Variants in ALX3 observed in about 807,000 individuals in gnomAD.
ALX3 encodes the protein homeobox protein aristaless-like 3.
ALX3 carries 17 observed loss-of-function variants against 26.3 expected under a neutral mutation model. The ratio of observed to expected loss-of-function variants is 0.65; its 90% CI spans 0.44 to 0.97. The LOEUF is 0.97. ALX3 is among the 50% of genes least tolerant of loss of function. The probability of loss-of-function intolerance (pLI) is 0.00; values close to 1 mark genes in which losing one functional copy is unlikely to be tolerated. For missense variants in ALX3, 461 were observed against 466.5 expected (o/e 0.99, Z 0.11); for synonymous variants, 208 against 201.4 (o/e 1.03, Z -0.28).
intron 1 of ALX3, among the ~76,000 whole-genome samples, chr1:110,069,980 A>C (rs981171084): frequency 2.6e-5 from 4 of 152,168 alleles, no homozygotes; most frequent in Non-Finnish European, 5.9e-5. Context: ...TCTGGGCTTC[A>C]GGGTAGGTGG....
intron 2 of ALX3, chr1:110,062,256 C>T (rs1190306267): frequency 6.5e-6 from 1 of 152,714 alleles, no homozygotes; most frequent in Non-Finnish European, 1.5e-5. Context: ...CTCCACAGGA[C>T]TTCCAAAATA....
rs777021032 is a variant in ALX3 at position 110,060,793 on chromosome 1, G to A, written c.972C>T (p.Ser324=). ...PSSDGDYKSP[S]LVSLRVKPKE... ...TGGGCTTTACCCTGAGCGAGACGAG[G>A]CTTGGAGACTTATAGTCACCATCTG... The change falls in exon 4 of 4, where the codon AGC becomes AGT. Residue 324 remains serine, a synonymous_variant. Transcript: ENST00000647563. The A allele has an allele frequency of 3.7e-6, 6 of 1,613,696 alleles. No individual in the cohort carries two copies. In the South Asian group the frequency reaches 5.5e-5, roughly 15 times the overall value.
At chr1:110,061,287 C>A in intron 3 of ALX3, 148 bp downstream of exon 3, 1 of 1,321,652 alleles carries the variant, frequency 7.6e-7, no homozygotes, top group Non-Finnish European at 1.0e-6. Flanking sequence ...ATGAGACAGG[C>A]AAGAGCCCCG....
At chr1:110,061,271 T>C (rs977206237) in intron 3 of ALX3, 164 bp downstream of exon 3, 11 of 1,219,856 alleles carry the variant, frequency 9.0e-6, no homozygotes, top group African/African-American at 1.5e-5. Flanking sequence ...TCCGCATGCG[T>C]CATTCATGAG....
At chr1:110,064,301 A>G (rs561547771) in intron 2 of ALX3, among the ~76,000 whole-genome samples, 9 of 152,226 alleles carry the variant, frequency 5.9e-5, no homozygotes, top group African/African-American at 2.2e-4. Flanking sequence ...ACATACCCCA[A>G]ATCACCTCCA....
chr1:110,068,591 T>C (rs1413830072), intron 1 of ALX3, among the ~76,000 whole-genome samples: 3 of 152,260 alleles, frequency 2.0e-5, no homozygotes, highest in Non-Finnish European at 1.5e-5. Context: ...GCTTTAAACA[T>C]GCTCCGTTTT....
chr1:110,062,040 G>A (rs1653661174), intron 2 of ALX3: 3 of 165,702 alleles, frequency 1.8e-5, no homozygotes, highest in Admixed American at 1.2e-4. Context: ...GGAGACCTTG[G>A]TCCAGAGCAT....
rs1653745484 is a variant in ALX3 at position 110,064,868 on chromosome 1, G to C, written c.313C>G (p.Gln105Glu). The C allele has an allele frequency of 6.2e-7, 1 of 1,610,474 alleles. No individual in the cohort carries two copies. Among genetic ancestry groups the C allele is most frequent in the African/African-American group, 1.3e-5 (1 of 74,688 alleles). Reference sequence around the variant, plus strand: ...CCCCCTCGGCAGTCCAAGGGCAGCTGGGGGAAGCTGGCAGCTTTGGAGGTC... The same window carrying C: ...CCCCCTCGGCAGTCCAAGGGCAGCTCGGGGAAGCTGGCAGCTTTGGAGGTC... ...EKTSKAASFPQLPLDCRGGPR... is the reference protein window; with the variant it reads ...EKTSKAASFPELPLDCRGGPR... Residue 105 changes from glutamine to glutamate, a missense_variant, in exon 2 of 4, where the codon CAG (glutamine) becomes GAG (glutamate). Gln to Glu is a conservative substitution (Grantham distance 29). Around this residue, in one of 3 missense-constraint regions of ALX3, gnomAD observed 241 missense variants for 206.1 expected, o/e 1.17. Transcript: ENST00000647563.
At chr1:110,061,710 T>G (rs562601005) in intron 2 of ALX3, 147 bp from the exon 3 acceptor site, 1 of 1,290,130 alleles carries the variant, frequency 7.8e-7, no homozygotes, top group East Asian at 2.5e-5. Context: ...CACACTGTTC[T>G]CCAGGCCAGG....
chr1:110,068,245 T>C (rs1653835042), intron 1 of ALX3, among the ~76,000 whole-genome samples: 1 of 152,188 alleles, frequency 6.6e-6, no homozygotes, highest in Non-Finnish European at 1.5e-5. Flanking sequence ...TCGTGTGGAC[T>C]GGAAACGCTC....
intron 1 of ALX3, 121 bp from the exon 2 acceptor site, chr1:110,065,024 C>T (rs1485941173): frequency 4.6e-6 from 5 of 1,092,084 alleles, no homozygotes; most frequent in Non-Finnish European, 6.4e-6. Flanking sequence ...CTTTCCCTTC[C>T]CTTCCTCCTG....
intron 2 of ALX3, among the ~76,000 whole-genome samples, chr1:110,063,199 A>C (rs1653695855): frequency 6.6e-6 from 1 of 152,188 alleles, no homozygotes; most frequent in African/African-American, 2.4e-5. Flanking sequence ...TCCACCTCCC[A>C]CAAACACTTG....
intron 2 of ALX3, among the ~76,000 whole-genome samples, chr1:110,063,187 T>C (rs1169750229): frequency 1.3e-5 from 2 of 152,108 alleles, no homozygotes; most frequent in Non-Finnish European, 2.9e-5. Flanking sequence ...GAGGAAGTGC[T>C]CTCCACCTCC....
chr1:110,064,068 A>G (rs914783483), intron 2 of ALX3, among the ~76,000 whole-genome samples: 18 of 151,928 alleles, frequency 1.2e-4, no homozygotes, highest in Non-Finnish European at 5.9e-5. Context: ...CAGGGACCCA[A>G]GGTCGGTGGC....
In ALX3 at chr1:110,060,546, TCTC is replaced by T. The variant is rs1197572000; in HGVS notation, c.*184_*186del. On this transcript the variant is annotated 3_prime_UTR_variant, in exon 4 of 4. Transcript: ENST00000647563. Reference sequence around the variant, plus strand: ...GAGTCCTGGCTGCTTCGAAGCCCCTTCTCCTAGGCAGCCCCACCTTGTTCTAAG... The same window carrying T: ...GAGTCCTGGCTGCTTCGAAGCCCCTTCTAGGCAGCCCCACCTTGTTCTAAG... The T allele has an allele frequency of 1.6e-5, 7 of 424,852 alleles. No individual in the cohort carries two copies. In the Admixed American group the frequency reaches 2.1e-4, roughly 13 times the overall value. 26.3% of individuals were successfully genotyped at this position (424,852 alleles called of 1,614,324 possible).
chr1:110,061,414 C>T, intron 3 of ALX3, 21 bp downstream of exon 3: 1 of 1,614,242 alleles, frequency 6.2e-7, no homozygotes, highest in Non-Finnish European at 8.5e-7. Context: ...GGTCCTGGTT[C>T]AGGTAGGGCT....
chr1:110,063,456 C>T lies in ALX3; in HGVS notation c.594+1131G>A, dbSNP rs148986374. 7.1e-3 allele frequency among the ~76,000 whole-genome samples: 1,087 copies of T among 152,294 alleles called. 11 individuals carry two copies. The highest frequency in any genetic ancestry group is 0.016 in the African/African-American group (673 of 41,558). On this transcript the variant is annotated intron_variant, in intron 2 of 3. Transcript: ENST00000647563. The stretch of plus-strand genomic sequence containing the variant: ...CAAGCCTCTCTCATCCTGTTGGATG[C>T]AGCCGTAGGGCCTTCTCTGTTAGAT...
intron 2 of ALX3, among the ~76,000 whole-genome samples, chr1:110,063,244 G>T (rs546084840): frequency 1.3e-5 from 2 of 152,340 alleles, no homozygotes; most frequent in African/African-American, 4.8e-5. Context: ...CACCCCGGAG[G>T]CCTGCTGAGG....
intron 1 of ALX3, among the ~76,000 whole-genome samples, chr1:110,068,011 C>CG (rs3841847): frequency 0.67 from 101,867 of 152,190 alleles, 34,696 homozygotes; most frequent in East Asian, 0.81. Context: ...GAGCCAAACT[C>CG]GGGACAGACT....
Sources: allele counts gnomAD v4.1 joint callset (sites outside exome capture counted in the v4.1 genomes callset), GRCh38; gene constraint gnomAD v4.1.1; regional missense constraint gnomAD v4.1.1; transcripts MANE v1.5; gene names NCBI Gene and HGNC (gene_info 2026-07-23, HGNC 2026-07-21).